The following NPAS3 variants were observed in gnomAD, a reference collection of about 807,000 sequenced individuals.
NPAS3 encodes neuronal PAS domain protein 3, also known as neuronal PAS domain-containing protein 3.
In NPAS3, 14 loss-of-function variants were observed where a neutral mutation model predicts 73.1. The observed-to-expected ratio is 0.19, with a 90% confidence interval of 0.13 to 0.30. NPAS3 has a LOEUF of 0.30. Among genes scored for constraint, NPAS3 ranks in the 10% least tolerant of loss-of-function variants. The pLI is 1.00. For synonymous variants in NPAS3, 620 were observed against 541.5 expected, an observed-to-expected ratio of 1.14 and a Z score of -2.01; for missense variants, 1,096 against 1,250.0, an observed-to-expected ratio of 0.88 and a Z score of 1.86.
intron 2 of NPAS3, among the ~76,000 whole-genome samples, chr14:33,198,835 G>A (rs867308187): frequency 1.3e-5 from 2 of 152,208 alleles, no homozygotes; most frequent in Admixed American, 1.3e-4. Flanking sequence ...GCCCACTGTG[G>A]GGGAGCTTGG....
At chr14:33,594,057 G>A (rs1595232915) in intron 5 of NPAS3, among the ~76,000 whole-genome samples, 1 of 152,174 alleles carries the variant, frequency 6.6e-6, no homozygotes, top group East Asian at 1.9e-4. Context: ...CATACTTCTG[G>A]CACCTTCTTA....
intron 2 of NPAS3, among the ~76,000 whole-genome samples, chr14:33,181,175 G>A (rs981048702): frequency 4.6e-5 from 7 of 152,160 alleles, no homozygotes; most frequent in South Asian, 4.1e-4. Flanking sequence ...CTGAAACTCC[G>A]TGCTTAAAGA....
At chr14:33,068,189 A>G (rs2041346571) in intron 2 of NPAS3, among the ~76,000 whole-genome samples, 1 of 152,208 alleles carries the variant, frequency 6.6e-6, no homozygotes, top group Non-Finnish European at 1.5e-5. Context: ...CCTGCTCAAA[A>G]TCACTGACTG....
intron 4 of NPAS3, among the ~76,000 whole-genome samples, chr14:33,530,930 A>C (rs967648208): frequency 3.3e-5 from 5 of 152,086 alleles, no homozygotes; most frequent in African/African-American, 9.7e-5. Flanking sequence ...GGAACTGCAC[A>C]TGGTTTCCTC....
chr14:33,197,631 G>A (rs1447093564), intron 2 of NPAS3, among the ~76,000 whole-genome samples: 1 of 152,148 alleles, frequency 6.6e-6, no homozygotes, highest in Non-Finnish European at 1.5e-5. Flanking sequence ...TAAAGCAGAA[G>A]AGATTCAGCT....
intron 6 of NPAS3, among the ~76,000 whole-genome samples, chr14:33,719,867 A>G (rs1187034232): frequency 6.6e-6 from 1 of 152,154 alleles, no homozygotes; most frequent in African/African-American, 2.4e-5. Flanking sequence ...GGTATTTGCA[A>G]AACCTCCTCG....
chr14:33,766,913 C>T (rs2062481294), intron 7 of NPAS3, among the ~76,000 whole-genome samples: 1 of 152,170 alleles, frequency 6.6e-6, no homozygotes, highest in Non-Finnish European at 1.5e-5. Context: ...GCTAAACTCC[C>T]ACTGTGGCTT....
chr14:33,794,940 G>C (rs1442696708), intron 10 of NPAS3, among the ~76,000 whole-genome samples: 1 of 152,186 alleles, frequency 6.6e-6, no homozygotes, highest in Non-Finnish European at 1.5e-5. Context: ...CCACCAAGCA[G>C]AGCCCACACG....
intron 3 of NPAS3, among the ~76,000 whole-genome samples, chr14:33,219,005 A>T (rs186749036): frequency 1.3e-5 from 2 of 152,322 alleles, no homozygotes; most frequent in African/African-American, 4.8e-5. Context: ...TTGGAAGGTA[A>T]CAGATAGTTT....
intron 5 of NPAS3, among the ~76,000 whole-genome samples, chr14:33,625,168 ATTAC>A (rs1423905873): frequency 2.0e-5 from 3 of 152,198 alleles, no homozygotes; most frequent in African/African-American, 7.2e-5. Flanking sequence ...CTCTGCCTTG[ATTAC>A]TTAAATTTTA....
intron 7 of NPAS3, among the ~76,000 whole-genome samples, chr14:33,762,483 T>A (rs543122453): frequency 5.3e-5 from 8 of 152,276 alleles, no homozygotes; most frequent in Middle Eastern, 6.8e-3. Flanking sequence ...GGTTATAGTG[T>A]GGTGGTTTCA....
intron 6 of NPAS3, among the ~76,000 whole-genome samples, chr14:33,689,405 T>C (rs1311935475): frequency 6.6e-6 from 1 of 152,200 alleles, no homozygotes; most frequent in African/African-American, 2.4e-5. Context: ...TAAATTCTGT[T>C]GAACTAAGCA....
intron 2 of NPAS3, among the ~76,000 whole-genome samples, chr14:33,106,010 C>T (rs1228229851): frequency 6.6e-6 from 1 of 152,112 alleles, no homozygotes; most frequent in Admixed American, 6.5e-5. Flanking sequence ...ATGAAACAAA[C>T]TCAACCAAAC....
chr14:33,462,452 A>T (rs1256121744), intron 4 of NPAS3, among the ~76,000 whole-genome samples: 1 of 152,168 alleles, frequency 6.6e-6, no homozygotes, highest in Non-Finnish European at 1.5e-5. Flanking sequence ...CTACAAGCTG[A>T]CATGTTTAAT....
At chr14:33,088,827 C>A (rs2042122528) in intron 2 of NPAS3, among the ~76,000 whole-genome samples, 1 of 152,204 alleles carries the variant, frequency 6.6e-6, no homozygotes, top group African/African-American at 2.4e-5. Flanking sequence ...TGAGACGAAG[C>A]TTCCAGAGGA....
intron 3 of NPAS3, among the ~76,000 whole-genome samples, chr14:33,338,935 CTT>C (rs2140303617): frequency 6.6e-6 from 1 of 152,290 alleles, no homozygotes; most frequent in East Asian, 1.9e-4. Context: ...TACATCTTCT[CTT>C]ATTTCTGTTA....
chr14:33,092,834 T>C (rs1026435597), intron 2 of NPAS3, among the ~76,000 whole-genome samples: 12 of 152,182 alleles, frequency 7.9e-5, no homozygotes, highest in African/African-American at 2.9e-4. Flanking sequence ...AACCATCTGA[T>C]CTTTGACAAA....
intron 3 of NPAS3, among the ~76,000 whole-genome samples, chr14:33,236,612 A>C (rs1389655643): frequency 5.9e-5 from 9 of 152,120 alleles, no homozygotes; most frequent in Non-Finnish European, 4.4e-5. Flanking sequence ...GGAGGATGTT[A>C]GTGCATTTTC....
At chr14:33,360,851 C>T (rs1247953784) in intron 3 of NPAS3, among the ~76,000 whole-genome samples, 1 of 152,156 alleles carries the variant, frequency 6.6e-6, no homozygotes, top group African/African-American at 2.4e-5. Context: ...CTCCACGCCT[C>T]GGCCCAGGCT....
Sources: gnomAD v4.1 joint callset for allele counts (sites outside exome capture counted in the v4.1 genomes callset) on GRCh38, gnomAD v4.1.1 for gene constraint, MANE v1.5 for transcripts, NCBI Gene and HGNC (gene_info 2026-07-23, HGNC 2026-07-21) for gene names.